The following CELF2 variants were observed in gnomAD, a reference collection of about 807,000 sequenced individuals.
CELF2 encodes CUG triplet repeat RNA-binding protein 2.
In CELF2, 8 loss-of-function variants were observed where a neutral mutation model predicts 62.6. That is an observed-to-expected ratio of 0.13 (90% confidence interval 0.07 to 0.23). The LOEUF is 0.23. Ranked by LOEUF, CELF2 falls within the 10% of genes least tolerant of loss-of-function variation. CELF2 has a pLI of 1.00. For synonymous variants in CELF2, 258 were observed against 250.0 expected (o/e 1.03, Z -0.30); for missense variants, 333 against 671.0 (o/e 0.50, Z 5.56).
At chr10:10,548,659 T>A in the CELF2 span, among the ~76,000 whole-genome samples, 1 of 152,252 alleles carries the variant, frequency 6.6e-6, no homozygotes, top group Non-Finnish European at 1.5e-5. Context: ...TTCTTTTTTT[T>A]AGAAAATGCT....
At chr10:10,910,699 C>CAAAAAAAAA (rs55954207) in intron 1 of CELF2, among the ~76,000 whole-genome samples, 8 of 92,224 alleles carry the variant, frequency 8.7e-5, no homozygotes, top group African/African-American at 2.3e-4. Flanking sequence ...GACTCTGCCT[C>CAAAAAAAAA]AAAAAAAAAA....
intron 2 of CELF2, among the ~76,000 whole-genome samples, chr10:10,922,443 A>G (rs1387840628): frequency 6.6e-6 from 1 of 152,212 alleles, no homozygotes; most frequent in Admixed American, 6.5e-5. Context: ...TAAGAAGCAG[A>G]CCACCTCTAT....
chr10:10,573,544 C>A, the CELF2 span, among the ~76,000 whole-genome samples: 1 of 152,078 alleles, frequency 6.6e-6, no homozygotes, highest in South Asian at 2.1e-4. Context: ...ATGCAGAATT[C>A]TTTTTCTCAA....
chr10:10,762,778 A>G, the CELF2 span, among the ~76,000 whole-genome samples: 2 of 152,198 alleles, frequency 1.3e-5, no homozygotes, highest in African/African-American at 4.8e-5. Flanking sequence ...GTGGTGGCTC[A>G]TGCCTGTAAT....
At chr10:11,104,515 C>A (rs541396965) in intron 1 of CELF2, among the ~76,000 whole-genome samples, 1 of 152,016 alleles carries the variant, frequency 6.6e-6, no homozygotes, top group Non-Finnish European at 1.5e-5. Flanking sequence ...ATACCTTGTC[C>A]CTACAAAAAA....
the CELF2 span, chr10:10,786,733 G>A: frequency 1.3e-5 from 2 of 152,144 alleles, no homozygotes; most frequent in Admixed American, 1.3e-4. Context: ...ACTTGAAGAG[G>A]TGCTACAGGA....
the CELF2 span, among the ~76,000 whole-genome samples, chr10:10,597,570 A>G: frequency 1.3e-5 from 2 of 152,246 alleles, no homozygotes; most frequent in East Asian, 3.9e-4. Flanking sequence ...TGAATAAATG[A>G]CCTTTTGATA....
the CELF2 span, among the ~76,000 whole-genome samples, chr10:10,693,848 A>G: frequency 2.6e-5 from 4 of 151,590 alleles, no homozygotes; most frequent in African/African-American, 4.8e-5. Flanking sequence ...CCGTGGGATC[A>G]GTAGTGATAT....
At chr10:10,784,254 C>A in the CELF2 span, among the ~76,000 whole-genome samples, 15 of 152,168 alleles carry the variant, frequency 9.9e-5, no homozygotes, top group Non-Finnish European at 1.9e-4. Context: ...GGGATGAGCA[C>A]CCCTGGGTTC....
the CELF2 span, among the ~76,000 whole-genome samples, chr10:10,765,251 T>A: frequency 4.6e-5 from 7 of 152,248 alleles, no homozygotes; most frequent in South Asian, 2.1e-4. Context: ...AAGGGTGGCC[T>A]TGAACCAGTC....
At chr10:10,811,208 A>G (rs1392517443) in intron 1 of CELF2, among the ~76,000 whole-genome samples, 1 of 152,196 alleles carries the variant, frequency 6.6e-6, no homozygotes, top group Non-Finnish European at 1.5e-5. Context: ...TAATGGTCAA[A>G]TATAAAGTTT....
chr10:11,265,583 T>A (rs949377662), intron 5 of CELF2, among the ~76,000 whole-genome samples: 2 of 152,214 alleles, frequency 1.3e-5, no homozygotes, highest in African/African-American at 4.8e-5. Flanking sequence ...TCTTTTTCTC[T>A]AAGAAGCCCA....
chr10:10,882,056 A>G (rs573985778), intron 1 of CELF2, among the ~76,000 whole-genome samples: 99 of 152,208 alleles, frequency 6.5e-4, no homozygotes, highest in Non-Finnish European at 1.2e-3. Context: ...GCGGATTGCT[A>G]TCCTAACTCT....
chr10:10,891,887 T>C (rs545127315), intron 1 of CELF2, among the ~76,000 whole-genome samples: 15 of 152,272 alleles, frequency 9.9e-5, no homozygotes, highest in African/African-American at 3.6e-4. Flanking sequence ...GCAGGATCAT[T>C]GGGAGGAGCA....
At chr10:10,505,641 C>T in the CELF2 span, among the ~76,000 whole-genome samples, 3 of 152,120 alleles carry the variant, frequency 2.0e-5, no homozygotes, top group Non-Finnish European at 4.4e-5. Context: ...TACCTTGTTA[C>T]AGCTTGGTGA....
rs1197676406 is a variant in CELF2 at position 11,268,399 on chromosome 10, C to T, written c.618+1722C>T. ...AAACATTACGATCCCCATTCCTTCC[C>T]TTGGAGCCCCCCCAGTAATGCTCAG... On this transcript the variant is annotated intron_variant, in intron 6 of 12. Transcript: ENST00000633077. This position sits in a 1 kb window ranked among gnomAD's most constrained non-coding sequence, Gnocchi z 4.7. Among the ~76,000 whole-genome samples the T allele has an allele frequency of 1.3e-5, 2 of 152,032 alleles. No individual in the cohort carries two copies. Among genetic ancestry groups the T allele is most frequent in the African/African-American group, 4.8e-5 (2 of 41,374 alleles).
At chr10:10,900,840 A>G (rs554624178) in intron 1 of CELF2, among the ~76,000 whole-genome samples, 54 of 152,346 alleles carry the variant, frequency 3.5e-4, no homozygotes, top group African/African-American at 1.1e-3. Context: ...AAATCTTAAT[A>G]AAAAAGCTAC....
the CELF2 span, among the ~76,000 whole-genome samples, chr10:10,507,671 G>A: frequency 6.6e-6 from 1 of 152,208 alleles, no homozygotes; most frequent in African/African-American, 2.4e-5. Context: ...AGGATGGAAA[G>A]GAGAGGAATT....
intron 2 of CELF2, chr10:10,923,131 T>C (rs2065076805): frequency 6.6e-6 from 1 of 152,144 alleles, no homozygotes; most frequent in Admixed American, 6.5e-5. Flanking sequence ...AAGGCACCTG[T>C]AGTTATTTTG....
Sources: allele counts gnomAD v4.1 joint callset (sites outside exome capture counted in the v4.1 genomes callset), GRCh38; gene constraint gnomAD v4.1.1; non-coding constraint Gnocchi (gnomAD v3.1); transcripts MANE v1.5; gene names NCBI Gene and HGNC (gene_info 2026-07-23, HGNC 2026-07-21).